Variants in SPEF2 observed in about 807,000 individuals in gnomAD.
The protein encoded by SPEF2 is sperm flagella and cilia-associated protein 2.
Under a neutral mutation model 224.6 loss-of-function variants are expected in SPEF2, and 187 were observed. The ratio of observed to expected loss-of-function variants is 0.83; its 90% CI spans 0.74 to 0.94. The LOEUF is 0.94. Ranked by LOEUF, SPEF2 falls within the 40% of genes least tolerant of loss-of-function variation. SPEF2 has a pLI of 0.00. For missense variants in SPEF2, 2,170 were observed against 2,135.6 expected (o/e 1.02, Z -0.32); for synonymous variants, 715 against 707.3 (o/e 1.01, Z -0.17).
At position 35,694,144 on chromosome 5, in the gene SPEF2, T is replaced by G. The variant is rs537680120; in HGVS notation, c.1900-144T>G. The G allele has an allele frequency of 2.8e-5, 18 of 634,950 alleles. No homozygotes were observed. The African/African-American group carries it at 3.2e-4, about 11-fold the overall frequency. 39.3% of individuals were successfully genotyped at this position (634,950 alleles called of 1,614,324 possible). ...GGAAATAAGAATTTAGAACTGAAAC[T>G]TTAATCTCCTTTAAAATCATTAATG... On this transcript the variant is annotated intron_variant, in intron 12 of 36. Transcript: ENST00000356031.
intron 9 of SPEF2, among the ~76,000 whole-genome samples, chr5:35,667,541 G>C (rs1325332865): frequency 6.6e-6 from 1 of 152,006 alleles, no homozygotes; most frequent in African/African-American, 2.4e-5. Flanking sequence ...GAAAAAAATG[G>C]GAGAAAATCT....
chr5:35,717,099 G>A (rs560774942), intron 20 of SPEF2, among the ~76,000 whole-genome samples: 2 of 152,322 alleles, frequency 1.3e-5, no homozygotes, highest in South Asian at 2.1e-4. Flanking sequence ...CAGGAGAGAT[G>A]TTAATTAGGA....
At chr5:35,739,412 T>A (rs926741861) in intron 21 of SPEF2, among the ~76,000 whole-genome samples, 2 of 152,216 alleles carry the variant, frequency 1.3e-5, no homozygotes, top group African/African-American at 4.8e-5. Flanking sequence ...GATGGAATTT[T>A]GCTGTTGTTG....
rs754729243 is a variant in SPEF2 at position 35,807,111 on chromosome 5, A to AT, written c.5257-12dup. 5 of 1,597,588 alleles carry AT rather than the reference A, an allele frequency of 3.1e-6. No individual in the cohort carries two copies. Among genetic ancestry groups the AT allele is most frequent in the South Asian group, 1.1e-5 (1 of 87,094 alleles). ...CTGGATTGTGAGGTTGATTAACTTC[A>AT]TTTTTTTTCTTCCTTAAAGGGCTTC... On this transcript the variant is annotated intron_variant, in intron 35 of 36. Transcript: ENST00000356031.
rs564075421 is a variant in SPEF2 at position 35,771,468 on chromosome 5, T to C, written c.3802-141T>C. On this transcript the variant is annotated intron_variant, in intron 26 of 36. Transcript: ENST00000356031. ...CACTTAAGTAAAACATGGTGGGGTG[T>C]GTTTTGTAAAGTTCGAGTACGTGGG... 1.5e-4 allele frequency: 151 copies of C among 1,040,316 alleles called. No individual in the cohort carries two copies. The African/African-American group carries it at 2.4e-3, about 16-fold the overall frequency. 64.4% of individuals were successfully genotyped at this position (1,040,316 alleles called of 1,614,324 possible).
intron 27 of SPEF2, among the ~76,000 whole-genome samples, chr5:35,773,459 T>C (rs73747967): frequency 0.02 from 2,986 of 152,316 alleles, 103 homozygotes; most frequent in African/African-American, 0.069. Context: ...GAGGTTATTC[T>C]CGTATCTTCT....
chr5:35,770,743 C>T (rs1752719991), intron 26 of SPEF2, among the ~76,000 whole-genome samples: 1 of 152,156 alleles, frequency 6.6e-6, no homozygotes, highest in Non-Finnish European at 1.5e-5. Context: ...GGGATACCTG[C>T]AGTTCCTGAC....
intron 10 of SPEF2, chr5:35,678,750 A>G (rs1177653905): frequency 1.3e-5 from 2 of 152,090 alleles, no homozygotes; most frequent in Non-Finnish European, 2.9e-5. Flanking sequence ...TCAGCTAATC[A>G]TCCTCTCTTC....
chr5:35,749,381 G>A (rs1439950690), intron 23 of SPEF2, among the ~76,000 whole-genome samples: 1 of 152,028 alleles, frequency 6.6e-6, no homozygotes, highest in African/African-American at 2.4e-5. Context: ...AGAAAGAAAA[G>A]GCACTGAAGT....
intron 21 of SPEF2, among the ~76,000 whole-genome samples, chr5:35,732,697 G>A (rs1745835694): frequency 6.6e-6 from 1 of 152,124 alleles, no homozygotes; most frequent in East Asian, 1.9e-4. Flanking sequence ...ACTCAGTTCT[G>A]GGAACATGAA....
At chr5:35,667,563 G>A (rs1259107104) in intron 9 of SPEF2, among the ~76,000 whole-genome samples, 4 of 152,116 alleles carry the variant, frequency 2.6e-5, no homozygotes, top group African/African-American at 9.7e-5. Context: ...TGGGTTCTAT[G>A]ACTAGGCAAC....
At chr5:35,736,678 G>C (rs1277015865) in intron 21 of SPEF2, among the ~76,000 whole-genome samples, 1 of 152,210 alleles carries the variant, frequency 6.6e-6, no homozygotes, top group Non-Finnish European at 1.5e-5. Context: ...TGGAGACACA[G>C]AGCCAAACCA....
At chr5:35,630,170 G>C (rs1185455943) in intron 2 of SPEF2, among the ~76,000 whole-genome samples, 1 of 152,080 alleles carries the variant, frequency 6.6e-6, no homozygotes, top group Non-Finnish European at 1.5e-5. Flanking sequence ...CCCCCTCCTG[G>C]CTGCATTCAC....
intron 19 of SPEF2, chr5:35,710,822 A>G: frequency 1.0e-6 from 1 of 985,382 alleles, no homozygotes; most frequent in African/African-American, 1.7e-5. Context: ...TGTGCATTGA[A>G]GAAATAATAA....
At chr5:35,747,603 C>T (rs6414877) in intron 23 of SPEF2, among the ~76,000 whole-genome samples, 151,967 of 152,352 alleles carry the variant, frequency 1, 75,798 homozygotes, top group Middle Eastern at 1. Context: ...CATTATATAA[C>T]GGTAAAAGGC....
chr5:35,641,566 A>G lies in SPEF2; in HGVS notation c.297A>G (p.Gln99=), dbSNP rs78762910. 2,613 of 1,613,818 alleles carry G rather than the reference A, an allele frequency of 1.6e-3. 32 individuals carry two copies. The African/African-American group carries it at 0.032, about 19-fold the overall frequency. ...KPGVATKLLY[Q]LYIALQKKKK... ...GGGTGGCAACAAAGCTGTTATATCA[A>G]TTGTACATTGCTCTTCAGAAAAAGA... Residue 99 remains glutamine (Q), a synonymous_variant, in exon 3 of 37, where the codon CAA becomes CAG. Transcript: ENST00000356031.
intron 5 of SPEF2, among the ~76,000 whole-genome samples, chr5:35,648,541 C>G (rs1268467884): frequency 6.6e-6 from 1 of 152,000 alleles, no homozygotes; most frequent in Non-Finnish European, 1.5e-5. Flanking sequence ...CGCAAGGCTG[C>G]TCTCGAACTC....
chr5:35,635,042 C>T (rs1745636397), intron 2 of SPEF2, among the ~76,000 whole-genome samples: 1 of 151,954 alleles, frequency 6.6e-6, no homozygotes, highest in South Asian at 2.1e-4. Context: ...GTGATTTTCC[C>T]TCAGGTGGAA....
chr5:35,813,853 T>C (rs1384151471), intron 36 of SPEF2, among the ~76,000 whole-genome samples: 1 of 151,976 alleles, frequency 6.6e-6, no homozygotes, highest in Non-Finnish European at 1.5e-5. Context: ...ACCTAAAAGC[T>C]ACCTAAATGC....
Sources: gnomAD v4.1 joint callset for allele counts (sites outside exome capture counted in the v4.1 genomes callset) on GRCh38, gnomAD v4.1.1 for gene constraint, MANE v1.5 for transcripts, NCBI Gene and HGNC (gene_info 2026-07-23, HGNC 2026-07-21) for gene names.